STAG1: variants seen among roughly 807,000 people sequenced by gnomAD.
STAG1 encodes STAG1 cohesin complex component.
A neutral mutation model predicts 170.9 loss-of-function variants in STAG1; 26 were observed. The observed-to-expected ratio is 0.15, with a 90% confidence interval of 0.11 to 0.21. The LOEUF (loss-of-function observed/expected upper bound fraction) is 0.21, where lower values mean the gene tolerates loss of function less well. STAG1 is among the 10% of genes least tolerant of loss of function. The pLI, the probability that STAG1 is intolerant of heterozygous loss-of-function variation, is 1.00. For missense variants in STAG1, 964 were observed against 1,509.5 expected, an observed-to-expected ratio of 0.64 and a Z score of 5.99; for synonymous variants, 514 against 497.7, an observed-to-expected ratio of 1.03 and a Z score of -0.44.
intron 1 of STAG1, among the ~76,000 whole-genome samples, chr3:136,674,124 A>G (rs1301495946): frequency 5.5e-4 from 31 of 56,704 alleles, no homozygotes; most frequent in South Asian, 1.8e-3. Flanking sequence ...AAAGGGAGGG[A>G]GGGAGGGAGG....
intron 9 of STAG1, among the ~76,000 whole-genome samples, chr3:136,486,046 C>T (rs1171314645): frequency 6.6e-6 from 1 of 152,100 alleles, no homozygotes; most frequent in Non-Finnish European, 1.5e-5. Flanking sequence ...TGCATCGGGA[C>T]CCATTAGCAC....
chr3:136,623,746 A>G (rs2107831646), intron 2 of STAG1, among the ~76,000 whole-genome samples: 1 of 152,086 alleles, frequency 6.6e-6, no homozygotes, highest in South Asian at 2.1e-4. Flanking sequence ...ACCTGAAATC[A>G]GAATTTGGGA....
intron 1 of STAG1, among the ~76,000 whole-genome samples, chr3:136,640,233 GTTATT>G (rs1167301505): frequency 6.6e-6 from 1 of 152,092 alleles, no homozygotes. Context: ...TTTAGGAAAA[GTTATT>G]TTATAACAAA....
At chr3:136,387,539 C>T (rs2086905123) in intron 22 of STAG1, among the ~76,000 whole-genome samples, 1 of 152,128 alleles carries the variant, frequency 6.6e-6, no homozygotes, top group South Asian at 2.1e-4. Flanking sequence ...ACACAAAAGG[C>T]CCCACCATTG....
At chr3:136,701,487 G>C (rs749235179) in intron 1 of STAG1, among the ~76,000 whole-genome samples, 2 of 151,964 alleles carry the variant, frequency 1.3e-5, no homozygotes, top group Non-Finnish European at 2.9e-5. Flanking sequence ...ACAAATCCTA[G>C]AAGTTATTGT....
At chr3:136,551,914 AGAGAGAGACACT>A (rs1936423976) in intron 5 of STAG1, among the ~76,000 whole-genome samples, 1 of 151,092 alleles carries the variant, frequency 6.6e-6, no homozygotes, top group South Asian at 2.1e-4. Flanking sequence ...GAAAGACATG[AGAGAGAGACACT>A]GAGAGAGAGA....
intron 6 of STAG1, among the ~76,000 whole-genome samples, chr3:136,541,751 T>C (rs1227558165): frequency 3.3e-5 from 5 of 152,204 alleles, no homozygotes; most frequent in African/African-American, 9.6e-5. Flanking sequence ...TAGAATTCAC[T>C]GACCTCCAAA....
intron 1 of STAG1, among the ~76,000 whole-genome samples, chr3:136,727,413 G>A (rs1032467772): frequency 6.6e-6 from 1 of 152,148 alleles, no homozygotes; most frequent in African/African-American, 2.4e-5. Flanking sequence ...AGGGTTATAT[G>A]TGAAGAAAAT....
chr3:136,529,816 G>C (rs1269899531), intron 6 of STAG1, among the ~76,000 whole-genome samples: 2 of 152,088 alleles, frequency 1.3e-5, no homozygotes, highest in Non-Finnish European at 2.9e-5. Context: ...AGGAGAAAAA[G>C]AAAGAAACAA....
rs2089775320 is a variant in STAG1, at chr3:136,477,212, A to G, written c.1026+77T>C. 3 of 1,450,508 alleles carry G rather than the reference A, an allele frequency of 2.1e-6. No homozygotes were observed. The South Asian group carries it at 4.4e-5, about 21-fold the overall frequency. The allele number at this position is 1,450,508 out of a possible 1,614,324, so 89.9% of individuals were successfully genotyped here. A position where few individuals can be genotyped will look rare whatever the true frequency, so the allele number is the denominator to read the frequency against. On this transcript the variant is annotated intron_variant, in intron 10 of 33. Coordinates refer to ENST00000383202, the MANE Select transcript of STAG1 (RefSeq NM_005862.3). ...GATTACAACTCCTGAAAAATCAACT[A>G]CTGTCATTTTGATTCCCAGCATTTT...
At chr3:136,359,641 C>T (rs915060340) in intron 26 of STAG1, among the ~76,000 whole-genome samples, 5 of 152,250 alleles carry the variant, frequency 3.3e-5, no homozygotes, top group African/African-American at 4.8e-5. Context: ...GGAATTCTCA[C>T]GCGTCAGCCT....
intron 4 of STAG1, among the ~76,000 whole-genome samples, chr3:136,596,137 G>C (rs1938419108): frequency 1.3e-5 from 2 of 151,462 alleles, no homozygotes; most frequent in African/African-American, 4.9e-5. Context: ...GCAGTGACAG[G>C]GTTTGAGAGG....
intron 4 of STAG1, among the ~76,000 whole-genome samples, chr3:136,595,723 TAAATAAG>T (rs1184167633): frequency 8.0e-6 from 1 of 125,058 alleles, no homozygotes; most frequent in Non-Finnish European, 1.8e-5. Context: ...AATAAATAAA[TAAATAAG>T]AACTTTCTTT....
intron 2 of STAG1, among the ~76,000 whole-genome samples, chr3:136,626,234 T>C (rs1448962126): frequency 6.6e-6 from 1 of 152,162 alleles, no homozygotes; most frequent in East Asian, 1.9e-4. Flanking sequence ...GAGACCTACC[T>C]GGCCAACATA....
At chr3:136,715,903 G>A (rs543963423) in intron 1 of STAG1, among the ~76,000 whole-genome samples, 45 of 151,792 alleles carry the variant, frequency 3.0e-4, no homozygotes, top group African/African-American at 1.1e-3. Flanking sequence ...TTCGAGACCA[G>A]CCTGGCCAAC....
intron 3 of STAG1, among the ~76,000 whole-genome samples, chr3:136,608,190 G>A (rs1298241551): frequency 2.0e-5 from 3 of 151,694 alleles, no homozygotes; most frequent in Admixed American, 1.3e-4. Flanking sequence ...CTAGGAGGCA[G>A]AGAGGTTGCA....
rs1409412267 is a variant in STAG1, at chr3:136,338,012, A to C, written c.*242T>G. ...AAACACACACATCTGTATTGGGATAAGTCCAATAGTAGGACACAAATGATT... is the reference window on the plus strand; with the variant it reads ...AAACACACACATCTGTATTGGGATACGTCCAATAGTAGGACACAAATGATT... On this transcript the variant is annotated 3_prime_UTR_variant, in exon 34 of 34. Transcript: ENST00000383202. 1.5e-5 allele frequency: 7 copies of C among 473,796 alleles called. No homozygotes were observed. The East Asian group carries it at 2.3e-4, about 16-fold the overall frequency. The allele number at this position is 473,796 out of a possible 1,614,324, so 29.3% of individuals were successfully genotyped here. A position where few individuals can be genotyped will look rare whatever the true frequency, so the allele number is the denominator to read the frequency against.
chr3:136,415,026 T>G (rs74692092), intron 21 of STAG1, among the ~76,000 whole-genome samples: 2,615 of 152,130 alleles, frequency 0.017, 81 homozygotes, highest in African/African-American at 0.06. Flanking sequence ...CCCAAAACAA[T>G]TACAATAGAA....
intron 9 of STAG1, among the ~76,000 whole-genome samples, chr3:136,478,969 G>A (rs1474841582): frequency 2.0e-5 from 3 of 151,082 alleles, no homozygotes; most frequent in Non-Finnish European, 2.9e-5. Flanking sequence ...CAGTTACTAT[G>A]AGAATAAAAT....
Sources: allele counts gnomAD v4.1 joint callset (sites outside exome capture counted in the v4.1 genomes callset), GRCh38; gene constraint gnomAD v4.1.1; transcripts MANE v1.5; gene names NCBI Gene and HGNC (gene_info 2026-07-23, HGNC 2026-07-21).